The following RUNX2 variants were observed in gnomAD, a reference collection of about 807,000 sequenced individuals.
RUNX2 encodes runt-related transcription factor 2.
In RUNX2, 10 loss-of-function variants were observed where a neutral mutation model predicts 51.7. The observed-to-expected ratio is 0.19, with a 90% CI of 0.12 to 0.33. RUNX2 has a LOEUF of 0.33. Among genes scored for constraint, RUNX2 ranks in the 10% least tolerant of loss-of-function variants. The pLI is 1.00. For missense variants in RUNX2, 562 were observed against 691.3 expected, an observed-to-expected ratio of 0.81 and a Z score of 2.10; for synonymous variants, 276 against 273.6, an observed-to-expected ratio of 1.01 and a Z score of -0.09.
rs77901084 is a variant in RUNX2, at chr6:45,536,432, C to T, written c.1022-8785C>T. Among the ~76,000 whole-genome samples, 1,351 of 152,278 alleles carry T rather than the reference C, an allele frequency of 8.9e-3. 22 individuals carry two copies. Among genetic ancestry groups the T allele is most frequent in the African/African-American group, 0.03 (1,237 of 41,560 alleles). On this transcript the variant is annotated intron_variant, in intron 7 of 8. Transcript: ENST00000647337. ...GCTGAATTATAGAGACTGAACAGCA[C>T]TTGGTAATCTGGTTCAAGTCCTAGG...
chr6:45,504,585 T>A (rs1800901193), intron 6 of RUNX2, among the ~76,000 whole-genome samples: 1 of 152,210 alleles, frequency 6.6e-6, no homozygotes, highest in South Asian at 2.1e-4. Context: ...ACAGGGTTAT[T>A]AGAAAAGACA....
At chr6:45,423,661 C>G (rs918175188) in intron 3 of RUNX2, among the ~76,000 whole-genome samples, 1 of 151,906 alleles carries the variant, frequency 6.6e-6, no homozygotes, top group Non-Finnish European at 1.5e-5. Context: ...CCGGGAGGGT[C>G]CTGGACAAAC....
intron 2 of RUNX2, among the ~76,000 whole-genome samples, chr6:45,368,806 TA>T (rs1365461709): frequency 6.6e-6 from 1 of 152,106 alleles, no homozygotes; most frequent in African/African-American, 2.4e-5. Context: ...TCACATAATA[TA>T]AATTAATAGA....
rs1257977356 is a variant in RUNX2, at chr6:45,485,693, G to GTATATATA, written c.686-6247_686-6246insATATATAT. Among the ~76,000 whole-genome samples, 179 of 101,854 alleles carry GTATATATA rather than the reference G, an allele frequency of 1.8e-3. 1 individual carries two copies. Among genetic ancestry groups the GTATATATA allele is most frequent in the African/African-American group, 6.7e-3 (168 of 24,940 alleles). The allele number at this position is 101,854 out of a possible 152,430, so 66.8% of individuals were successfully genotyped here. A position where few individuals can be genotyped will look rare whatever the true frequency, so the allele number is the denominator to read the frequency against. On this transcript the variant is annotated intron_variant, in intron 5 of 8. Transcript: ENST00000647337. ...TATGTATGTGTGTGTGTGTGTGTGT[G>GTATATATA]TGTGTATATATATATATATATATAC... is the stretch of plus-strand genomic sequence containing the variant.
intron 7 of RUNX2, among the ~76,000 whole-genome samples, chr6:45,519,586 T>C (rs927072130): frequency 8.5e-5 from 13 of 152,232 alleles, no homozygotes; most frequent in Admixed American, 7.2e-4. Flanking sequence ...ACAGATTCTT[T>C]TTTTTTAACT....
intron 5 of RUNX2, among the ~76,000 whole-genome samples, chr6:45,463,347 A>G (rs1187033430): frequency 6.6e-6 from 1 of 152,280 alleles, no homozygotes; most frequent in African/African-American, 2.4e-5. Context: ...TGAATTGACT[A>G]AGACATCAAA....
At chr6:45,449,039 T>G (rs1799083129) in intron 5 of RUNX2, among the ~76,000 whole-genome samples, 1 of 152,230 alleles carries the variant, frequency 6.6e-6, no homozygotes, top group Non-Finnish European at 1.5e-5. Context: ...TTTTCTACCA[T>G]GAAGGCTATT....
intron 5 of RUNX2, among the ~76,000 whole-genome samples, chr6:45,446,986 T>C (rs1273144877): frequency 6.6e-6 from 1 of 152,246 alleles, no homozygotes; most frequent in African/African-American, 2.4e-5. Flanking sequence ...ACACTGGTGG[T>C]GAAAATCTAT....
chr6:45,357,624 G>T (rs999167474), intron 2 of RUNX2, among the ~76,000 whole-genome samples: 4 of 152,048 alleles, frequency 2.6e-5, no homozygotes, highest in African/African-American at 9.7e-5. Flanking sequence ...TACCACACCT[G>T]GTCCCCCTTT....
chr6:45,533,338 A>AC (rs1239884844), intron 7 of RUNX2, among the ~76,000 whole-genome samples: 5 of 152,232 alleles, frequency 3.3e-5, no homozygotes, highest in Non-Finnish European at 7.3e-5. Flanking sequence ...TTTCAGAAAG[A>AC]CCACTTTGAG....
At chr6:45,372,717 G>C (rs1251909713) in intron 2 of RUNX2, among the ~76,000 whole-genome samples, 2 of 152,084 alleles carry the variant, frequency 1.3e-5, no homozygotes, top group African/African-American at 2.4e-5. Flanking sequence ...GGAGTACAGT[G>C]GCACAATCTC....
At chr6:45,345,685 T>C (rs1424980116) in intron 2 of RUNX2, among the ~76,000 whole-genome samples, 1 of 152,182 alleles carries the variant, frequency 6.6e-6, no homozygotes, top group Non-Finnish European at 1.5e-5. Context: ...CTACAATAGG[T>C]CTTTCCACAG....
intron 2 of RUNX2, among the ~76,000 whole-genome samples, chr6:45,350,210 C>T (rs142689517): frequency 3.3e-5 from 5 of 152,258 alleles, no homozygotes; most frequent in Non-Finnish European, 7.4e-5. Context: ...TTATTCACTG[C>T]TATATCTCCA....
At position 45,490,232 on chromosome 6, in the gene RUNX2, C is replaced by A. The variant is rs543258136; in HGVS notation, c.686-1709C>A. 2.0e-4 allele frequency among the ~76,000 whole-genome samples: 31 copies of A among 152,322 alleles called. 1 individual carries two copies. The South Asian group carries it at 5.2e-3, about 25-fold the overall frequency. On this transcript the variant is annotated intron_variant, in intron 5 of 8. Transcript: ENST00000647337. ...TAAAAGTCCTCTAGGGATCTAAAAT[C>A]TATTTGTAATCTGGATACAAAACAG... is the stretch of plus-strand genomic sequence containing the variant.
At chr6:45,514,300 G>T (rs531113033) in intron 7 of RUNX2, among the ~76,000 whole-genome samples, 3 of 152,192 alleles carry the variant, frequency 2.0e-5, no homozygotes, top group Admixed American at 6.5e-5. Context: ...AAAACAGCCA[G>T]ATTATTTCAA....
At chr6:45,377,010 C>G (rs1035244840) in intron 2 of RUNX2, among the ~76,000 whole-genome samples, 12 of 151,916 alleles carry the variant, frequency 7.9e-5, no homozygotes, top group Admixed American at 3.9e-4. Flanking sequence ...CGTCCAGGAT[C>G]GTCTGAGTGT....
In RUNX2 at chr6:45,422,624, C is replaced by G. The variant is rs930435617; in HGVS notation, c.90C>G (p.Pro30=). ...GCACCAGCCGGCGCTTCAGCCCCCC[C>G]TCCAGCAGCCTGCAGCCCGGCAAAA... ...DPSTSRRFSP[P]SSSLQPGKMS... The change falls in exon 3 of 9, where the codon CCC becomes CCG. Residue 30 remains proline, a synonymous_variant. Transcript: ENST00000647337. The G allele has an allele frequency of 1.2e-6, 2 of 1,606,980 alleles. No individual in the cohort carries two copies. Among genetic ancestry groups the G allele is most frequent in the East Asian group, 2.3e-5 (1 of 44,340 alleles).
In RUNX2 at chr6:45,397,857, A is replaced by G. The variant is rs922044988; in HGVS notation, c.59-24736A>G. On this transcript the variant is annotated intron_variant, in intron 2 of 8. Transcript: ENST00000647337. The stretch of plus-strand genomic sequence containing the variant: ...CATTTTTAAACTTATAACATTAAAT[A>G]TAAACAACACAATGGAATAACAATA... Among the ~76,000 whole-genome samples the G allele has an allele frequency of 1.8e-4, 27 of 152,360 alleles. 1 individual carries two copies. Among genetic ancestry groups the G allele is most frequent in the African/African-American group, 6.3e-4 (26 of 41,582 alleles).
In RUNX2 at chr6:45,549,489, A is replaced by G. The variant is rs1351158964; in HGVS notation, c.*2184A>G. 2 of 397,692 alleles carry G rather than the reference A, an allele frequency of 5.0e-6. No individual in the cohort carries two copies. Among genetic ancestry groups the G allele is most frequent in the Admixed American group, 8.8e-5 (2 of 22,722 alleles). The allele number at this position is 397,692 out of a possible 1,614,324, so 24.6% of individuals were successfully genotyped here. ...CCGTATACCAAGTATGCTTAGATAA[A>G]TAAGCCACTTTTCTATTACTTAAGT... On this transcript the variant is annotated 3_prime_UTR_variant, in exon 9 of 9. Transcript: ENST00000647337.
Sources: allele counts gnomAD v4.1 joint callset (sites outside exome capture counted in the v4.1 genomes callset), GRCh38; gene constraint gnomAD v4.1.1; transcripts MANE v1.5; gene names NCBI Gene and HGNC (gene_info 2026-07-23, HGNC 2026-07-21).